HS6ST1: variants seen among roughly 807,000 people sequenced by gnomAD.
HS6ST1 encodes the protein heparan sulfate 6-O-sulfotransferase 1.
A neutral mutation model predicts 25.2 loss-of-function variants in HS6ST1; 3 were observed. The ratio of observed to expected loss-of-function variants is 0.12; its 90% CI spans 0.05 to 0.31. HS6ST1 has a LOEUF of 0.31. Ranked by LOEUF, HS6ST1 falls within the 10% of genes least tolerant of loss-of-function variation. HS6ST1 has a pLI of 1.00. For synonymous variants in HS6ST1, 204 were observed against 275.1 expected (o/e 0.74, Z 2.56); for missense variants, 310 against 609.6 (o/e 0.51, Z 5.18).
At chr2:128,285,906 G>A (rs115312268) in intron 1 of HS6ST1, among the ~76,000 whole-genome samples, 3 of 152,356 alleles carry the variant, frequency 2.0e-5, no homozygotes, top group African/African-American at 7.2e-5. Flanking sequence ...GGGGGCTGAG[G>A]AATTGGATGA....
intron 1 of HS6ST1, among the ~76,000 whole-genome samples, chr2:128,286,680 A>G (rs1048449633): frequency 6.6e-6 from 1 of 152,268 alleles, no homozygotes; most frequent in East Asian, 1.9e-4. Context: ...TTGTTAAAAA[A>G]TAAAAAACAA....
At chr2:128,306,111 C>T (rs1160321386) in intron 1 of HS6ST1, among the ~76,000 whole-genome samples, 1 of 152,180 alleles carries the variant, frequency 6.6e-6, no homozygotes, top group South Asian at 2.1e-4. Flanking sequence ...TGCAAAACAG[C>T]GCCCCTGACA....
At chr2:128,289,810 C>T (rs992412956) in intron 1 of HS6ST1, 1 of 152,224 alleles carries the variant, frequency 6.6e-6, no homozygotes, top group Non-Finnish European at 1.5e-5. Flanking sequence ...TCACCAACCA[C>T]AGGCCAGAGG....
intron 1 of HS6ST1, among the ~76,000 whole-genome samples, chr2:128,300,044 GC>G (rs1280549285): frequency 6.6e-6 from 1 of 152,122 alleles, no homozygotes; most frequent in African/African-American, 2.4e-5. Context: ...GGAGAGTCAG[GC>G]CTGGACCCGG....
At chr2:128,294,717 G>GTGTGTGTGT (rs1694013687) in intron 1 of HS6ST1, among the ~76,000 whole-genome samples, 2 of 145,852 alleles carry the variant, frequency 1.4e-5, no homozygotes, top group African/African-American at 5.0e-5. Flanking sequence ...TGTGTGTGTG[G>GTGTGTGTGT]AGGGGGAGAC....
chr2:128,268,039 C>T lies in HS6ST1; in HGVS notation c.*123G>A, dbSNP rs906583143. 55 of 712,300 alleles carry T rather than the reference C, an allele frequency of 7.7e-5. No homozygotes were observed. Among genetic ancestry groups the T allele is most frequent in the South Asian group, 1.7e-4 (10 of 57,878 alleles). The allele number at this position is 712,300 out of a possible 1,614,324, so 44.1% of individuals were successfully genotyped here. A position where few individuals can be genotyped will look rare whatever the true frequency, so the allele number is the denominator to read the frequency against. On this transcript the variant is annotated 3_prime_UTR_variant, in exon 2 of 2. Coordinates refer to ENST00000259241, the MANE Select transcript of HS6ST1 (RefSeq NM_004807.3). ...ATCCCTGCTCTGTTTTTTTTCAGGA[C>T]GCAGCTACCTCTGTGGAGCAGGTTT...
intron 1 of HS6ST1, chr2:128,289,847 G>C (rs1241726127): frequency 6.6e-6 from 1 of 152,216 alleles, no homozygotes; most frequent in East Asian, 1.9e-4. Flanking sequence ...AAGAGATAGA[G>C]AGAGGATAGC....
chr2:128,291,561 G>A (rs551613347), intron 1 of HS6ST1, among the ~76,000 whole-genome samples: 1 of 152,338 alleles, frequency 6.6e-6, no homozygotes, highest in Admixed American at 6.5e-5. Context: ...AGCTCACCAG[G>A]GCCTGAGGGA....
At chr2:128,270,541 T>C (rs1352057816) in intron 1 of HS6ST1, among the ~76,000 whole-genome samples, 1 of 152,148 alleles carries the variant, frequency 6.6e-6, no homozygotes, top group Non-Finnish European at 1.5e-5. Flanking sequence ...ACAAACGTTT[T>C]AGAAACAATA....
chr2:128,309,830 G>C (rs569708914), intron 1 of HS6ST1, among the ~76,000 whole-genome samples: 1 of 152,186 alleles, frequency 6.6e-6, no homozygotes, highest in South Asian at 2.1e-4. Context: ...CTGACGGCTC[G>C]CTCTCCAGAT....
At chr2:128,280,832 G>C (rs973125095) in intron 1 of HS6ST1, among the ~76,000 whole-genome samples, 1 of 152,316 alleles carries the variant, frequency 6.6e-6, no homozygotes, top group East Asian at 1.9e-4. Context: ...AGGCTGTGCT[G>C]CCCACACCCC....
Position 128,293,632 on chromosome 2 carries a change from C to T in HS6ST1, c.527+24405G>A, listed in dbSNP as rs113806026. ...AGGGGCTGGTATGGCCTGGAGGGCC[C>T]GGAGTCAGAGGAGGAACATGCTCCC... On this transcript the variant is annotated intron_variant, in intron 1 of 1. Transcript: ENST00000259241. Among the ~76,000 whole-genome samples, 912 of 152,274 alleles carry T rather than the reference C, an allele frequency of 6.0e-3. 11 individuals are homozygous for T. Among genetic ancestry groups the T allele is most frequent in the African/African-American group, 0.021 (885 of 41,550 alleles).
At chr2:128,307,407 C>T (rs1158064549) in intron 1 of HS6ST1, among the ~76,000 whole-genome samples, 2 of 152,202 alleles carry the variant, frequency 1.3e-5, no homozygotes, top group African/African-American at 4.8e-5. Flanking sequence ...TGTGACTCAG[C>T]TGGAAGATGG....
chr2:128,299,537 G>A (rs1375486141), intron 1 of HS6ST1, among the ~76,000 whole-genome samples: 1 of 152,256 alleles, frequency 6.6e-6, no homozygotes, highest in Non-Finnish European at 1.5e-5. Context: ...CACAGCAGCA[G>A]CTGAAGGCAC....
chr2:128,268,958 A>G, intron 1 of HS6ST1, 88 bp from the exon 2 acceptor site: 3 of 1,143,726 alleles, frequency 2.6e-6, no homozygotes, highest in Non-Finnish European at 2.6e-6. Context: ...TCCCCACTAC[A>G]GGAGTTTGGG....
intron 1 of HS6ST1, among the ~76,000 whole-genome samples, chr2:128,290,866 G>C (rs1227529929): frequency 1.4e-5 from 2 of 142,340 alleles, no homozygotes; most frequent in Non-Finnish European, 3.0e-5. Context: ...ATGATGGCAC[G>C]CACCTATAAA....
chr2:128,299,695 C>G (rs1431121449), intron 1 of HS6ST1, among the ~76,000 whole-genome samples: 1 of 152,220 alleles, frequency 6.6e-6, no homozygotes, highest in African/African-American at 2.4e-5. Flanking sequence ...AGGGTAATCA[C>G]AGTGGGCCAG....
At chr2:128,285,749 C>T (rs1693851687) in intron 1 of HS6ST1, among the ~76,000 whole-genome samples, 1 of 152,228 alleles carries the variant, frequency 6.6e-6, no homozygotes, top group African/African-American at 2.4e-5. Flanking sequence ...CTGCCAGTTA[C>T]TGCTCCCAGC....
chr2:128,291,777 C>T (rs537593750), intron 1 of HS6ST1, among the ~76,000 whole-genome samples: 6 of 152,236 alleles, frequency 3.9e-5, no homozygotes, highest in Admixed American at 6.5e-5. Context: ...ACAGACCTCA[C>T]GGAGGCAACC....
Sources: allele counts gnomAD v4.1 joint callset (sites outside exome capture counted in the v4.1 genomes callset), GRCh38; gene constraint gnomAD v4.1.1; transcripts MANE v1.5; gene names NCBI Gene and HGNC (gene_info 2026-07-23, HGNC 2026-07-21).